Variants in SYTL5 observed in about 807,000 individuals in gnomAD.
SYTL5 encodes the protein synaptotagmin like 5.
In SYTL5, 34 loss-of-function variants were observed where a neutral mutation model predicts 55.9. The ratio of observed to expected loss-of-function variants is 0.61; its 90% confidence interval spans 0.46 to 0.81. The LOEUF is 0.81. SYTL5 is among the 30% of genes least tolerant of loss of function. The pLI is 0.00. For missense variants in SYTL5, 637 were observed against 546.7 expected (o/e 1.17, Z -1.65); for synonymous variants, 221 against 188.7 (o/e 1.17, Z -1.40).
chrX:38,015,317 C>A (rs1054160626), intron 1 of SYTL5, among the ~76,000 whole-genome samples: 4 of 112,346 alleles, frequency 3.6e-5, no homozygotes, highest in Non-Finnish European at 7.5e-5. Flanking sequence ...TGAGGAATCC[C>A]ACCATTTCAC....
At chrX:38,069,747 C>T (rs932463925) in intron 3 of SYTL5, among the ~76,000 whole-genome samples, 2 of 111,924 alleles carry the variant, frequency 1.8e-5, no homozygotes, top group Admixed American at 1.9e-4. Context: ...TCTGTAATGT[C>T]TGATCACATC....
intron 1 of SYTL5, among the ~76,000 whole-genome samples, chrX:38,011,628 C>T (rs1231387377): frequency 1.0e-4 from 4 of 38,786 alleles, no homozygotes; most frequent in Non-Finnish European, 1.3e-4. Flanking sequence ...AGCGAGACTC[C>T]GTCTCAAAAA....
chrX:37,917,852 C>A, the SYTL5 span, among the ~76,000 whole-genome samples: 1 of 111,700 alleles, frequency 9.0e-6, no homozygotes, highest in East Asian at 2.8e-4. Context: ...AGGGCAGGAG[C>A]AAACCAAAGA....
chrX:38,006,258 C>T (rs764216259), upstream of SYTL5, among the ~76,000 whole-genome samples: 2 of 111,775 alleles, frequency 1.8e-5, no homozygotes, highest in Non-Finnish European at 3.8e-5. Flanking sequence ...ATTGTTATCA[C>T]GTTTCTCCCA....
At chrX:38,047,573 G>T (rs187712311) in intron 2 of SYTL5, among the ~76,000 whole-genome samples, 1 of 112,758 alleles carries the variant, frequency 8.9e-6, no homozygotes, top group East Asian at 2.8e-4. Flanking sequence ...AGGGGTTGCC[G>T]CAAAGGTCTC....
chrX:37,960,117 C>T, the SYTL5 span, among the ~76,000 whole-genome samples: 162 of 111,429 alleles, frequency 1.5e-3, no homozygotes, highest in African/African-American at 5.1e-3. Flanking sequence ...CAAAACCATT[C>T]TACCCTCCCA....
intron 3 of SYTL5, among the ~76,000 whole-genome samples, chrX:38,065,238 C>T (rs1209960233): frequency 2.7e-5 from 3 of 111,646 alleles, no homozygotes; most frequent in African/African-American, 9.8e-5. Flanking sequence ...TATGTCATCT[C>T]ATTTTTCTTT....
chrX:37,903,468 C>T, the SYTL5 span, among the ~76,000 whole-genome samples: 1 of 104,278 alleles, frequency 9.6e-6, no homozygotes, highest in Non-Finnish European at 1.9e-5. Context: ...CCAAACACTG[C>T]ATGTTCTCAC....
chrX:38,071,055 T>TAGTC (rs113095360), intron 3 of SYTL5, among the ~76,000 whole-genome samples: 31,742 of 109,859 alleles, frequency 0.29, 3,831 homozygotes, highest in African/African-American at 0.41. Context: ...TATGAGAGAG[T>TAGTC]AGTCATTCAT....
the SYTL5 span, among the ~76,000 whole-genome samples, chrX:37,924,162 T>A: frequency 9.6e-4 from 107 of 111,608 alleles, no homozygotes; most frequent in Middle Eastern, 4.6e-3. Context: ...CATCACTTGG[T>A]ATGCAAGGCA....
At chrX:38,044,804 G>A (rs1194228406) in intron 2 of SYTL5, among the ~76,000 whole-genome samples, 1 of 111,687 alleles carries the variant, frequency 9.0e-6, no homozygotes, top group African/African-American at 3.2e-5. Context: ...TTTCAGATTA[G>A]CAAAACACAT....
the SYTL5 span, among the ~76,000 whole-genome samples, chrX:37,975,098 A>G: frequency 8.9e-6 from 1 of 112,576 alleles, no homozygotes. Context: ...GAAGTAAGCC[A>G]ATAAAATGTG....
intron 1 of SYTL5, among the ~76,000 whole-genome samples, chrX:38,012,486 G>A (rs958762167): frequency 5.4e-5 from 6 of 111,546 alleles, no homozygotes; most frequent in African/African-American, 2.0e-4. Context: ...ACCAAACTTG[G>A]AAAGAAGCCA....
chrX:37,912,990 G>C, the SYTL5 span, among the ~76,000 whole-genome samples: 3 of 111,803 alleles, frequency 2.7e-5, no homozygotes, highest in South Asian at 1.1e-3. Context: ...AGAGGTAATT[G>C]TGTTGTGTGG....
intron 6 of SYTL5, among the ~76,000 whole-genome samples, chrX:38,087,675 A>G (rs1047516531): frequency 8.9e-6 from 1 of 111,983 alleles, no homozygotes; most frequent in African/African-American, 3.2e-5. Flanking sequence ...ATCAAGTCCC[A>G]AGAAACTAAT....
At chrX:38,023,297 T>A (rs751844418) in intron 1 of SYTL5, among the ~76,000 whole-genome samples, 2 of 112,253 alleles carry the variant, frequency 1.8e-5, no homozygotes, top group Non-Finnish European at 3.8e-5. Flanking sequence ...CTTTCTTTCT[T>A]TGGCTTCTTA....
chrX:38,052,855 G>A (rs1003745748), intron 2 of SYTL5, among the ~76,000 whole-genome samples: 1 of 111,542 alleles, frequency 9.0e-6, no homozygotes, highest in African/African-American at 3.3e-5. Flanking sequence ...TGGCTCAGTA[G>A]CACCAAGCAA....
At chrX:37,995,609 A>G in the SYTL5 span, among the ~76,000 whole-genome samples, 1 of 112,001 alleles carries the variant, frequency 8.9e-6, no homozygotes, top group Admixed American at 9.4e-5. Context: ...ATCTACAGGA[A>G]GGAAGTCTCC....
rs200741817 is a variant in SYTL5, at chrX:38,094,381, T to C, written c.918T>C (p.Ser306=). 2.8e-5 allele frequency: 34 copies of C among 1,204,780 alleles called. No individual in the cohort carries two copies. In the African/African-American group the frequency reaches 5.3e-4, roughly 19 times the overall value. Residue 306 remains serine (S), a synonymous_variant, in exon 8 of 17, where the codon TCT becomes TCC. Transcript: ENST00000297875. ...CAAAGAGTCACCGCAGAAACACTTCTGGCACACCTTCCATAGCAGTGTCTG... is the reference window on the plus strand; with the variant it reads ...CAAAGAGTCACCGCAGAAACACTTCCGGCACACCTTCCATAGCAGTGTCTG... The part of the protein sequence containing the change: ...ELTKSHRRNT[S]GTPSIAVSGT...
Sources: gnomAD v4.1 joint callset for allele counts (sites outside exome capture counted in the v4.1 genomes callset) on GRCh38, gnomAD v4.1.1 for gene constraint, MANE v1.5 for transcripts, NCBI Gene and HGNC (gene_info 2026-07-23, HGNC 2026-07-21) for gene names.